SLC1A1: variants seen among roughly 807,000 people sequenced by gnomAD.
SLC1A1 encodes solute carrier family 1 member 1.
A neutral mutation model predicts 53.3 loss-of-function variants in SLC1A1; 43 were observed. That is an observed-to-expected ratio of 0.81 (90% CI 0.63 to 1.04). The LOEUF (loss-of-function observed/expected upper bound fraction) is 1.04. Ranked by LOEUF, SLC1A1 falls within the 50% of genes least tolerant of loss-of-function variation. The probability of loss-of-function intolerance (pLI) is 0.00; values close to 1 mark genes in which losing one functional copy is unlikely to be tolerated. For missense variants in SLC1A1, 748 were observed against 664.9 expected, an observed-to-expected ratio of 1.12 and a Z score of -1.37; for synonymous variants, 307 against 243.2, an observed-to-expected ratio of 1.26 and a Z score of -2.44.
Position 4,490,514 on chromosome 9 carries a change from GGGT to G in SLC1A1, c.-163_-161del. 2.4e-6 allele frequency: 1 copy of G among 418,936 alleles called. No homozygotes were observed. Among genetic ancestry groups the G allele is most frequent in the Non-Finnish European group, 4.2e-6 (1 of 237,278 alleles). 26.0% of individuals were successfully genotyped at this position (418,936 alleles called of 1,614,324 possible). ...GGCGGCGGGCGCGGTGCGCGATCCC[GGGT>G]GGCGGCGGCAACGGCGGTGGTGACG... On this transcript the variant is annotated 5_prime_UTR_variant, in exon 1 of 12. Coordinates refer to ENST00000262352, the MANE Select transcript of SLC1A1 (RefSeq NM_004170.6).
chr9:4,574,496 T>C (rs768044429), intron 8 of SLC1A1, among the ~76,000 whole-genome samples: 7 of 152,142 alleles, frequency 4.6e-5, no homozygotes, highest in Non-Finnish European at 8.8e-5. Context: ...ACCACCACCA[T>C]GTCCTGCAGC....
Position 4,586,368 on chromosome 9 carries a change from CCTTT to C in SLC1A1, c.*813_*816del, listed in dbSNP as rs1480358284. The C allele has an allele frequency of 6.6e-6, 1 of 152,146 alleles. No individual in the cohort carries two copies. The highest frequency in any genetic ancestry group is 1.5e-5 in the Non-Finnish European group (1 of 68,026). 9.4% of individuals were successfully genotyped at this position (152,146 alleles called of 1,614,324 possible). The stretch of plus-strand genomic sequence containing the variant: ...GTCTGCTTTGGGGCTTATCAGAACT[CCTTT>C]CTAAGGAGCACTAGAATGAGAAATC... On this transcript the variant is annotated 3_prime_UTR_variant, in exon 12 of 12. Coordinates refer to ENST00000262352, the MANE Select transcript of SLC1A1 (RefSeq NM_004170.6).
At chr9:4,510,182 A>T (rs1820952830) in intron 1 of SLC1A1, among the ~76,000 whole-genome samples, 1 of 152,156 alleles carries the variant, frequency 6.6e-6, no homozygotes, top group Non-Finnish European at 1.5e-5. Context: ...TAAGGGCATT[A>T]TGGGAAATGA....
chr9:4,580,818 G>T (rs997135411), intron 10 of SLC1A1, among the ~76,000 whole-genome samples: 1 of 152,114 alleles, frequency 6.6e-6, no homozygotes, highest in Admixed American at 6.5e-5. Flanking sequence ...AGCGACAGCA[G>T]CAATAGAGGA....
At chr9:4,541,128 C>T (rs534813712) in intron 1 of SLC1A1, among the ~76,000 whole-genome samples, 1 of 152,272 alleles carries the variant, frequency 6.6e-6, no homozygotes, top group East Asian at 1.9e-4. Context: ...TTGAGAATTC[C>T]TTGTTGGCTC....
chr9:4,499,837 G>A (rs1404493902), intron 1 of SLC1A1, among the ~76,000 whole-genome samples: 1 of 152,194 alleles, frequency 6.6e-6, no homozygotes, highest in Admixed American at 6.5e-5. Flanking sequence ...TGAGCACTGG[G>A]CATAAGAAAT....
At chr9:4,529,170 G>C (rs1564010201) in intron 1 of SLC1A1, among the ~76,000 whole-genome samples, 1 of 152,140 alleles carries the variant, frequency 6.6e-6, no homozygotes, top group African/African-American at 2.4e-5. Flanking sequence ...GCTTTCTAAT[G>C]CAAAACTCCT....
At chr9:4,564,292 C>T in intron 3 of SLC1A1, 52 bp from the exon 4 acceptor site, 1 of 1,249,430 alleles carries the variant, frequency 8.0e-7, no homozygotes, top group Non-Finnish European at 1.2e-6. Context: ...CCAGCTGTGC[C>T]AGGTGCCCTG....
Position 4,561,526 on chromosome 9 carries a change from A to G in SLC1A1, c.310A>G (p.Ile104Val), listed in dbSNP as rs1345352806. ...AVVYYFCTTL[I>V]AVILGIVLVV... The stretch of plus-strand genomic sequence containing the variant: ...CGTGTATTATTTCTGTACCACTCTC[A>G]TTGCTGTTATTCTAGGTAATACTTA... The change falls in exon 3 of 12, where the codon ATT becomes GTT. Residue 104 changes from isoleucine (I) to valine (V), a missense_variant. Coordinates refer to ENST00000262352, the MANE Select transcript of SLC1A1 (RefSeq NM_004170.6). 1.3e-6 allele frequency: 2 copies of G among 1,579,322 alleles called. No homozygotes were observed. Among genetic ancestry groups the G allele is most frequent in the East Asian group, 4.5e-5 (2 of 44,756 alleles).
intron 1 of SLC1A1, among the ~76,000 whole-genome samples, chr9:4,508,537 C>T (rs1820882454): frequency 6.6e-6 from 1 of 152,178 alleles, no homozygotes; most frequent in South Asian, 2.1e-4. Context: ...AGGAGCTGGG[C>T]ACTTGAATTG....
chr9:4,506,153 C>T (rs546965241), intron 1 of SLC1A1, among the ~76,000 whole-genome samples: 65 of 152,070 alleles, frequency 4.3e-4, no homozygotes, highest in African/African-American at 1.4e-3. Flanking sequence ...GACGGGGTTT[C>T]GCCATGTTAG....
rs371863828 is a variant in SLC1A1 at position 4,528,473 on chromosome 9, G to C, written c.92-16094G>C. Among the ~76,000 whole-genome samples the C allele has an allele frequency of 2.6e-4, 40 of 152,264 alleles. No individual in the cohort carries two copies. The South Asian group carries it at 8.1e-3, about 31-fold the overall frequency. ...TGCCTGTAGTCCCAGCTACTCGGGA[G>C]ACTGAGGCAGGAGAATGGCGTGAAC... is the stretch of plus-strand genomic sequence containing the variant. On this transcript the variant is annotated intron_variant, in intron 1 of 11. Coordinates refer to ENST00000262352, the MANE Select transcript of SLC1A1 (RefSeq NM_004170.6).
intron 2 of SLC1A1, among the ~76,000 whole-genome samples, chr9:4,546,818 G>C (rs1373363172): frequency 6.6e-6 from 1 of 152,078 alleles, no homozygotes; most frequent in Non-Finnish European, 1.5e-5. Flanking sequence ...ATTTTTTCTT[G>C]GGCTCCTTTG....
chr9:4,576,254 CCCCTGG>C, intron 9 of SLC1A1, 131 bp downstream of exon 9: 1 of 888,038 alleles, frequency 1.1e-6, no homozygotes, highest in South Asian at 1.4e-5. Context: ...GTATTCTCGG[CCCCTGG>C]CCCTGAACAC....
intron 1 of SLC1A1, among the ~76,000 whole-genome samples, chr9:4,508,182 T>G (rs569388677): frequency 5.2e-4 from 79 of 151,844 alleles, no homozygotes; most frequent in Non-Finnish European, 1.0e-3. Flanking sequence ...ATAGGTAGAA[T>G]CACCCATGAG....
intron 6 of SLC1A1, 62 bp downstream of exon 6, chr9:4,567,829 G>A: frequency 9.9e-7 from 1 of 1,014,288 alleles, no homozygotes; most frequent in South Asian, 1.3e-5. Flanking sequence ...TGACTGAGCA[G>A]GAAATACAAT....
chr9:4,503,121 G>T (rs1820690420), intron 1 of SLC1A1, among the ~76,000 whole-genome samples: 1 of 151,624 alleles, frequency 6.6e-6, no homozygotes, highest in African/African-American at 2.4e-5. Flanking sequence ...CTTAACCCTT[G>T]ATTTATATGC....
chr9:4,524,018 T>C (rs1816176185), intron 1 of SLC1A1, among the ~76,000 whole-genome samples: 2 of 152,378 alleles, frequency 1.3e-5, no homozygotes, highest in South Asian at 4.1e-4. Flanking sequence ...TATTTCATTG[T>C]GTATATTAAA....
intron 2 of SLC1A1, chr9:4,560,180 C>A (rs1212522151): frequency 6.6e-6 from 1 of 152,098 alleles, no homozygotes; most frequent in Non-Finnish European, 1.5e-5. Flanking sequence ...AAGCTATACA[C>A]AATAAGGTTG....
Sources: allele counts gnomAD v4.1 joint callset (sites outside exome capture counted in the v4.1 genomes callset), GRCh38; gene constraint gnomAD v4.1.1; transcripts MANE v1.5; gene names NCBI Gene and HGNC (gene_info 2026-07-23, HGNC 2026-07-21).